BASP1: variants seen among roughly 807,000 people sequenced by gnomAD.
BASP1 encodes the protein brain abundant membrane attached signal protein 1, also known as brain acid soluble protein 1.
Under a neutral mutation model 2.2 loss-of-function variants are expected in BASP1, and 1 was observed. The observed-to-expected ratio is 0.46, with a 90% CI of 0.16 to 2.17. BASP1 has a LOEUF of 2.17. BASP1 is among the 30% of genes most tolerant of loss of function. The pLI is 0.27. For missense variants in BASP1, 352 were observed against 327.2 expected (o/e 1.08, Z -0.58); for synonymous variants, 187 against 154.2 (o/e 1.21, Z -1.58).
At chr5:17,268,523 T>C (rs1740467262) in intron 1 of BASP1, among the ~76,000 whole-genome samples, 1 of 152,220 alleles carries the variant, frequency 6.6e-6, no homozygotes, top group Non-Finnish European at 1.5e-5. Context: ...TTATAGTTTG[T>C]AAGAATTGTG....
intron 1 of BASP1, among the ~76,000 whole-genome samples, chr5:17,269,991 A>T (rs181094022): frequency 2.0e-5 from 3 of 152,060 alleles, no homozygotes; most frequent in Admixed American, 2.0e-4. Context: ...ATGCAATTAC[A>T]TTTCTTCTCT....
intron 1 of BASP1, among the ~76,000 whole-genome samples, chr5:17,263,730 T>C (rs917886932): frequency 6.6e-6 from 1 of 152,260 alleles, no homozygotes; most frequent in East Asian, 1.9e-4. Context: ...ATGTGTACTT[T>C]GTTCCCTCAA....
Position 17,275,438 on chromosome 5 carries a change from C to CA in BASP1, c.222_223insA (p.Ala75SerfsTer25), listed in dbSNP as rs778535599. 3.9e-6 allele frequency: 6 copies of CA among 1,528,118 alleles called. No homozygotes were observed. The highest frequency in any genetic ancestry group is 5.3e-6 in the Non-Finnish European group (6 of 1,139,122). 94.7% of individuals were successfully genotyped at this position (1,528,118 alleles called of 1,614,324 possible). A position where few individuals can be genotyped will look rare whatever the true frequency, so the allele number is the denominator to read the frequency against. ...CCGAGGAGAAGGAGGGCGAGAAGGA[C>CA]GCGGCGGCTGCCAAGGAGGAGGCCC... is the stretch of plus-strand genomic sequence containing the variant. On this transcript the variant is annotated frameshift_variant, in exon 2 of 2. Transcript: ENST00000322611. LOFTEE classifies it low-confidence loss of function (END_TRUNC). The surrounding 1 kb of genome is among the most constrained non-coding windows in gnomAD (Gnocchi z 5.3).
rs532247590 is a variant in BASP1, at chr5:17,257,961, T to G, written c.-9-17247T>G. ...GGTAGCAAGGGGACTGCCCAGGGCC[T>G]GGTGTTATCATCAGGGGTTCTTGAA... On this transcript the variant is annotated intron_variant, in intron 1 of 1. Coordinates refer to ENST00000322611, the MANE Select transcript of BASP1 (RefSeq NM_006317.5). 3.3e-5 allele frequency among the ~76,000 whole-genome samples: 5 copies of G among 152,282 alleles called. 1 individual carries two copies. In the South Asian group the frequency reaches 1.0e-3, roughly 32 times the overall value.
chr5:17,242,473 A>G (rs1739883243), intron 1 of BASP1, among the ~76,000 whole-genome samples: 1 of 151,836 alleles, frequency 6.6e-6, no homozygotes, highest in African/African-American at 2.4e-5. Flanking sequence ...GTCACAATTG[A>G]TAAACTTGCA....
intron 1 of BASP1, among the ~76,000 whole-genome samples, chr5:17,224,926 C>T (rs1244658092): frequency 6.6e-6 from 1 of 152,232 alleles, no homozygotes; most frequent in Non-Finnish European, 1.5e-5. Flanking sequence ...TTTTGTTCCG[C>T]GTCCACGCAG....
chr5:17,220,369 G>A (rs1231830153), intron 1 of BASP1, among the ~76,000 whole-genome samples: 3 of 152,012 alleles, frequency 2.0e-5, no homozygotes, highest in Non-Finnish European at 2.9e-5. Context: ...TGTTTTTGGC[G>A]AGGGGTATGT....
At chr5:17,273,510 T>C (rs1255891519) in intron 1 of BASP1, among the ~76,000 whole-genome samples, 1 of 152,170 alleles carries the variant, frequency 6.6e-6, no homozygotes, top group African/African-American at 2.4e-5. Flanking sequence ...TTCCCCCAAC[T>C]ACTGAAGTCA....
intron 1 of BASP1, among the ~76,000 whole-genome samples, chr5:17,272,374 T>G (rs576559931): frequency 3.7e-4 from 57 of 152,260 alleles, no homozygotes; most frequent in African/African-American, 1.4e-3. Flanking sequence ...CCTTACTGAA[T>G]TTTGCTGGAC....
intron 1 of BASP1, among the ~76,000 whole-genome samples, chr5:17,274,691 T>G (rs1292961161): frequency 5.3e-5 from 8 of 152,334 alleles, no homozygotes; most frequent in African/African-American, 1.7e-4. Context: ...AGCTTATTAT[T>G]CCCTCAACTG....
At chr5:17,269,864 T>C (rs1740494708) in intron 1 of BASP1, among the ~76,000 whole-genome samples, 1 of 152,190 alleles carries the variant, frequency 6.6e-6, no homozygotes, top group Non-Finnish European at 1.5e-5. Flanking sequence ...ACACGTGAAA[T>C]TTGAGGCATT....
chr5:17,244,115 C>A (rs1230736674), intron 1 of BASP1, among the ~76,000 whole-genome samples: 2 of 152,114 alleles, frequency 1.3e-5, no homozygotes, highest in Non-Finnish European at 2.9e-5. Flanking sequence ...CCAATGTATA[C>A]CTTCTTGATA....
intron 1 of BASP1, among the ~76,000 whole-genome samples, chr5:17,241,098 C>CT (rs1168059951): frequency 0.023 from 3,232 of 140,754 alleles, 91 homozygotes; most frequent in African/African-American, 0.062. Context: ...TGACATTTTC[C>CT]TTTTTTTTTT....
At chr5:17,222,589 A>C (rs1739412185) in intron 1 of BASP1, among the ~76,000 whole-genome samples, 1 of 152,240 alleles carries the variant, frequency 6.6e-6, no homozygotes, top group Non-Finnish European at 1.5e-5. Flanking sequence ...AAGCCTAAGA[A>C]GGAAGCAGTG....
chr5:17,250,568 G>C (rs1352812016), intron 1 of BASP1, among the ~76,000 whole-genome samples: 2 of 152,112 alleles, frequency 1.3e-5, no homozygotes, highest in Non-Finnish European at 2.9e-5. Context: ...CATGAATATT[G>C]TATCGTCTAA....
chr5:17,266,039 G>A (rs1347747822), intron 1 of BASP1, among the ~76,000 whole-genome samples: 3 of 152,130 alleles, frequency 2.0e-5, no homozygotes, highest in African/African-American at 7.2e-5. Flanking sequence ...AGCAGTTGTT[G>A]GTCAAATTGG....
rs189692627 is a variant in BASP1, at chr5:17,253,271, C to T, written c.-9-21937C>T. Among the ~76,000 whole-genome samples, 860 of 152,236 alleles carry T rather than the reference C, an allele frequency of 5.6e-3. 5 individuals are homozygous for T. The highest frequency in any genetic ancestry group is 0.015 in the African/African-American group (608 of 41,534). On this transcript the variant is annotated intron_variant, in intron 1 of 1. Coordinates refer to ENST00000322611, the MANE Select transcript of BASP1 (RefSeq NM_006317.5). Reference sequence around the variant, plus strand: ...TGTCACTCAGGCTGGAGTGCAGTGGCGTGATAATGGCTCACTACAGCCTCA... The same window carrying T: ...TGTCACTCAGGCTGGAGTGCAGTGGTGTGATAATGGCTCACTACAGCCTCA...
intron 1 of BASP1, among the ~76,000 whole-genome samples, chr5:17,237,257 T>C (rs1739766679): frequency 6.6e-6 from 1 of 151,996 alleles, no homozygotes; most frequent in African/African-American, 2.4e-5. Context: ...GGCAGGAGAA[T>C]GGCGTGAACC....
chr5:17,262,850 CT>C (rs562064794), intron 1 of BASP1, among the ~76,000 whole-genome samples: 145 of 132,878 alleles, frequency 1.1e-3, no homozygotes, highest in Middle Eastern at 3.9e-3. Context: ...ATCAAATCTT[CT>C]TTTTTTTTTT....
Sources: gnomAD v4.1 joint callset for allele counts (sites outside exome capture counted in the v4.1 genomes callset) on GRCh38, gnomAD v4.1.1 for gene constraint, Gnocchi (gnomAD v3.1) non-coding constraint, MANE v1.5 for transcripts, NCBI Gene and HGNC (gene_info 2026-07-23, HGNC 2026-07-21) for gene names.